PGAP3: variants seen among roughly 807,000 people sequenced by gnomAD.
PGAP3 encodes the protein post-GPI attachment to proteins phospholipase 3, also known as GPI-specific phospholipase A2-like PGAP3.
Under a neutral mutation model 40.3 loss-of-function variants are expected in PGAP3, and 31 were observed. That is an observed-to-expected ratio of 0.77 (90% CI 0.58 to 1.04). PGAP3 has a LOEUF of 1.04. PGAP3 is among the 50% of genes least tolerant of loss of function. The pLI is 0.00. For synonymous variants in PGAP3, 191 were observed against 184.5 expected, an observed-to-expected ratio of 1.04 and a Z score of -0.29; for missense variants, 413 against 423.0, an observed-to-expected ratio of 0.98 and a Z score of 0.21.
At chr17:39,673,029 C>A in intron 7 of PGAP3, 22 bp downstream of exon 7, 1 of 1,594,166 alleles carries the variant, frequency 6.3e-7, no homozygotes, top group South Asian at 1.1e-5. Flanking sequence ...AAGGTGAGCA[C>A]CAGGCAGGGG....
intron 2 of PGAP3, 118 bp downstream of exon 2, chr17:39,685,803 GC>G (rs2057503504): frequency 1.2e-6 from 1 of 850,488 alleles, no homozygotes; most frequent in African/African-American, 1.7e-5. Context: ...ACAGGTAGCT[GC>G]CCCAAACACA....
intron 6 of PGAP3, 82 bp downstream of exon 6, chr17:39,673,432 C>T (rs2145098186): frequency 1.9e-6 from 3 of 1,595,508 alleles, no homozygotes; most frequent in Non-Finnish European, 2.6e-6. Flanking sequence ...CTAGAACCTC[C>T]TTCTCCAGGA....
intron 3 of PGAP3, among the ~76,000 whole-genome samples, chr17:39,676,382 A>G (rs2057375305): frequency 6.6e-6 from 1 of 152,140 alleles, no homozygotes; most frequent in African/African-American, 2.4e-5. Context: ...GGAGGTGAGA[A>G]GAGGACTGCA....
chr17:39,673,583 C>A lies in PGAP3; in HGVS notation c.625G>T (p.Val209Leu). The change falls in exon 6 of 8, where the codon GTG becomes TTG. Residue 209 changes from valine (V) to leucine (L), a missense_variant. Transcript: ENST00000300658. ...FRALLLLMLTVHVSYLSLIRF... is the reference protein window; with the variant it reads ...FRALLLLMLTLHVSYLSLIRF... ...ATGAGGCTCAGGTAGGAGACGTGCACGGTCAGCATGAGCAGCAGGAGAGCC... is the reference window on the plus strand; with the variant it reads ...ATGAGGCTCAGGTAGGAGACGTGCAAGGTCAGCATGAGCAGCAGGAGAGCC... The A allele has an allele frequency of 6.2e-7, 1 of 1,614,106 alleles. No individual in the cohort carries two copies. The highest frequency in any genetic ancestry group is 1.3e-5 in the African/African-American group (1 of 75,024).
chr17:39,677,136 C>A (rs1476655508), intron 3 of PGAP3, among the ~76,000 whole-genome samples: 1 of 152,192 alleles, frequency 6.6e-6, no homozygotes, highest in African/African-American at 2.4e-5. Context: ...GCCTCACCTA[C>A]AAAACAGGTT....
At chr17:39,681,798 G>A (rs562725161) in intron 3 of PGAP3, among the ~76,000 whole-genome samples, 14 of 150,418 alleles carry the variant, frequency 9.3e-5, no homozygotes, top group African/African-American at 1.9e-4. Context: ...CTGAGCCACC[G>A]CACTTGATCT....
intron 3 of PGAP3, among the ~76,000 whole-genome samples, chr17:39,681,423 A>G (rs992654703): frequency 6.6e-6 from 1 of 152,166 alleles, no homozygotes; most frequent in African/African-American, 2.4e-5. Context: ...ACGGGAGGCC[A>G]TTGTTCTGGA....
chr17:39,676,297 A>G (rs1462920354), intron 3 of PGAP3, among the ~76,000 whole-genome samples: 2 of 152,130 alleles, frequency 1.3e-5, no homozygotes, highest in Non-Finnish European at 2.9e-5. Context: ...CCTGGAGCCA[A>G]TGTGGGAAGG....
Position 39,671,268 on chromosome 17 carries a change from G to A in PGAP3, c.*1535C>T, listed in dbSNP as rs1185969657. On this transcript the variant is annotated 3_prime_UTR_variant, in exon 8 of 8. Transcript: ENST00000300658. ...TCCCCTCCCTCAAAGAGGGACAAGG[G>A]GTCAGGGGCAGAGCAAAAATCCAGT... 1 of 152,354 alleles carries A rather than the reference G, an allele frequency of 6.6e-6. No homozygotes were observed. Among genetic ancestry groups the A allele is most frequent in the African/African-American group, 2.4e-5 (1 of 41,448 alleles). The allele number at this position is 152,354 out of a possible 1,614,324, so 9.4% of individuals were successfully genotyped here.
chr17:39,681,093 T>C (rs1310406063), intron 3 of PGAP3, among the ~76,000 whole-genome samples: 1 of 152,152 alleles, frequency 6.6e-6, no homozygotes, highest in Non-Finnish European at 1.5e-5. Flanking sequence ...CTGGAACTTG[T>C]GAGCTCAAGC....
intron 1 of PGAP3, among the ~76,000 whole-genome samples, chr17:39,686,635 C>T (rs1324625074): frequency 1.3e-5 from 2 of 149,464 alleles, no homozygotes; most frequent in Non-Finnish European, 3.0e-5. Flanking sequence ...GCATGGCTCA[C>T]CACAGCCTTG....
chr17:39,672,576 G>T lies in PGAP3; in HGVS notation c.*227C>A. 3 of 595,036 alleles carry T rather than the reference G, an allele frequency of 5.0e-6. No homozygotes were observed. Among genetic ancestry groups the T allele is most frequent in the Non-Finnish European group, 9.0e-6 (3 of 333,452 alleles). The allele number at this position is 595,036 out of a possible 1,614,324, so 36.9% of individuals were successfully genotyped here. A position where few individuals can be genotyped will look rare whatever the true frequency, so the allele number is the denominator to read the frequency against. ...CCAGTTCAGCTCCAGGAGGTAGAGGGGCTGCCCACTCTCGAGTCCCAGATG... is the reference window on the plus strand; with the variant it reads ...CCAGTTCAGCTCCAGGAGGTAGAGGTGCTGCCCACTCTCGAGTCCCAGATG... On this transcript the variant is annotated 3_prime_UTR_variant, in exon 8 of 8. Transcript: ENST00000300658.
intron 2 of PGAP3, among the ~76,000 whole-genome samples, chr17:39,685,595 G>T (rs1318518838): frequency 6.6e-6 from 1 of 152,130 alleles, no homozygotes; most frequent in African/African-American, 2.4e-5. Context: ...GACCCCTACT[G>T]GAGAAGCAAC....
chr17:39,678,606 T>C (rs1038185979), intron 3 of PGAP3, among the ~76,000 whole-genome samples: 5 of 152,172 alleles, frequency 3.3e-5, no homozygotes, highest in African/African-American at 9.7e-5. Flanking sequence ...CCCCAAGACT[T>C]AGCCCGGAGC....
rs764548346 is a variant in PGAP3 at position 39,672,773 on chromosome 17, C to G, written c.*30G>C. ...GAGGCCAGCAGGGCGGGGGCAGGAT[C>G]CCCACTGGGGCAGACTCGCTCCAAG... On this transcript the variant is annotated 3_prime_UTR_variant, in exon 8 of 8. Transcript: ENST00000300658. 1.4e-5 allele frequency: 22 copies of G among 1,608,954 alleles called. No individual in the cohort carries two copies. Among genetic ancestry groups the G allele is most frequent in the Non-Finnish European group, 1.8e-5 (21 of 1,175,580 alleles).
At chr17:39,687,220 G>C (rs1362148626) in intron 1 of PGAP3, among the ~76,000 whole-genome samples, 12 of 152,188 alleles carry the variant, frequency 7.9e-5, no homozygotes, top group Admixed American at 1.3e-4. Flanking sequence ...ACCTTGGGCA[G>C]GGCATTTAAT....
At chr17:39,672,951 G>A (rs2057325318) in intron 7 of PGAP3, 85 bp from the exon 8 acceptor site, 1 of 1,579,400 alleles carries the variant, frequency 6.3e-7, no homozygotes, top group African/African-American at 1.3e-5. Flanking sequence ...CAGGCAAGGT[G>A]GGAGGGGGCG....
At chr17:39,681,591 C>A (rs1798559459) in intron 3 of PGAP3, among the ~76,000 whole-genome samples, 2 of 152,140 alleles carry the variant, frequency 1.3e-5, no homozygotes, top group African/African-American at 4.8e-5. Context: ...TCACCGCAAC[C>A]TCCGCCTTCC....
At chr17:39,686,448 G>A (rs1016394222) in intron 1 of PGAP3, among the ~76,000 whole-genome samples, 2 of 151,522 alleles carry the variant, frequency 1.3e-5, no homozygotes, top group African/African-American at 4.9e-5. Context: ...TAGAGATGGG[G>A]TTTCTCCATG....
Sources: gnomAD v4.1 joint callset for allele counts (sites outside exome capture counted in the v4.1 genomes callset) on GRCh38, gnomAD v4.1.1 for gene constraint, MANE v1.5 for transcripts, NCBI Gene and HGNC (gene_info 2026-07-23, HGNC 2026-07-21) for gene names.